Variants in FANCB observed in about 807,000 individuals in gnomAD.
The protein encoded by FANCB is FA complementation group B.
Under a neutral mutation model 38.9 loss-of-function variants are expected in FANCB, and 5 were observed. That is an observed-to-expected ratio of 0.13 (90% CI 0.07 to 0.27). The LOEUF (loss-of-function observed/expected upper bound fraction) is 0.27, where lower values mean the gene tolerates loss of function less well. Ranked by LOEUF, FANCB falls within the 10% of genes least tolerant of loss-of-function variation. The probability of loss-of-function intolerance (pLI) is 1.00; values close to 1 mark genes in which losing one functional copy is unlikely to be tolerated. For synonymous variants in FANCB, 236 were observed against 215.4 expected (o/e 1.10, Z -0.84); for missense variants, 573 against 602.7 (o/e 0.95, Z 0.52).
the FANCB span, among the ~76,000 whole-genome samples, chrX:14,784,083 G>A: frequency 1.1e-4 from 12 of 112,003 alleles, no homozygotes; most frequent in African/African-American, 2.9e-4. Flanking sequence ...GGTGGTGGGC[G>A]CCTGTAGTCT....
the FANCB span, among the ~76,000 whole-genome samples, chrX:14,811,415 G>C: frequency 9.0e-6 from 1 of 111,100 alleles, no homozygotes; most frequent in Non-Finnish European, 1.9e-5. Context: ...CTGTATTCAG[G>C]AAACCCATCT....
chrX:14,848,297 T>C (rs1330708706), intron 7 of FANCB, among the ~76,000 whole-genome samples: 2 of 112,195 alleles, frequency 1.8e-5, no homozygotes, highest in Non-Finnish European at 3.8e-5. Flanking sequence ...AGCCTATGAA[T>C]GGACGTGCAG....
chrX:14,843,082 CA>C (rs1466087555), downstream of FANCB, among the ~76,000 whole-genome samples: 2 of 111,621 alleles, frequency 1.8e-5, no homozygotes, highest in Non-Finnish European at 3.8e-5. Context: ...AAGCAGAAAG[CA>C]AGAAAAAAAT....
At chrX:14,729,351 C>G in the FANCB span, among the ~76,000 whole-genome samples, 1 of 110,893 alleles carries the variant, frequency 9.0e-6, no homozygotes, top group Admixed American at 9.6e-5. Flanking sequence ...CTTTTCAACC[C>G]CACCTTTTCA....
the FANCB span, chrX:14,690,624 A>C: frequency 1.5e-6 from 1 of 652,786 alleles, no homozygotes; most frequent in Non-Finnish European, 2.5e-6. Flanking sequence ...CACCATTAAG[A>C]ATCTGGTTTC....
chrX:14,742,708 G>T, the FANCB span, among the ~76,000 whole-genome samples: 30 of 111,913 alleles, frequency 2.7e-4, no homozygotes, highest in African/African-American at 8.8e-4. Context: ...TTAAATCATT[G>T]CCTAAACATC....
intron 5 of FANCB, among the ~76,000 whole-genome samples, chrX:14,856,823 A>C (rs2092425004): frequency 8.9e-6 from 1 of 111,969 alleles, no homozygotes; most frequent in African/African-American, 3.2e-5. Flanking sequence ...AAGACCAATA[A>C]GAGATATAAT....
chrX:14,845,526 A>C (rs1007901462), intron 7 of FANCB, among the ~76,000 whole-genome samples: 2 of 112,029 alleles, frequency 1.8e-5, no homozygotes, highest in Non-Finnish European at 3.8e-5. Flanking sequence ...AGGTTTTAGG[A>C]AAGTAAAATT....
chrX:14,865,583 A>G lies in FANCB; in HGVS notation c.-70-3T>C. On this transcript the variant is annotated splice_polypyrimidine_tract_variant and splice_region_variant and intron_variant, in intron 2 of 9. Coordinates refer to ENST00000650831, the MANE Select transcript of FANCB (RefSeq NM_001018113.3). ...GATTCCAGTTGATGTTTCTAAACCTAAAAAAGAAATGAGGAAAAACTGCCA... is the reference window on the plus strand; with the variant it reads ...GATTCCAGTTGATGTTTCTAAACCTGAAAAAGAAATGAGGAAAAACTGCCA... 1 of 863,211 alleles carries G rather than the reference A, an allele frequency of 1.2e-6. No homozygotes were observed. The highest frequency in any genetic ancestry group is 1.7e-6 in the Non-Finnish European group (1 of 597,137). The allele number at this position is 863,211 out of a possible 1,213,427, so 71.1% of individuals were successfully genotyped here.
At chrX:14,704,925 AAG>A in the FANCB span, among the ~76,000 whole-genome samples, 1 of 112,223 alleles carries the variant, frequency 8.9e-6, no homozygotes, top group East Asian at 2.8e-4. Context: ...TAAGAACCAT[AAG>A]AGAGTTATAG....
At chrX:14,794,112 C>T in the FANCB span, among the ~76,000 whole-genome samples, 1 of 111,577 alleles carries the variant, frequency 9.0e-6, no homozygotes. Context: ...TACTTACATA[C>T]TTTTACATAC....
At chrX:14,833,857 G>A (rs755091079), downstream of FANCB, among the ~76,000 whole-genome samples, 3 of 111,841 alleles carry the variant, frequency 2.7e-5, no homozygotes, top group South Asian at 1.1e-3. Flanking sequence ...AGCTGGGTGT[G>A]GTGGTGGGCA....
At chrX:14,739,605 A>G in the FANCB span, among the ~76,000 whole-genome samples, 1 of 112,125 alleles carries the variant, frequency 8.9e-6, no homozygotes, top group East Asian at 2.8e-4. Flanking sequence ...ATACCGCATT[A>G]ATAACATCTT....
At chrX:14,851,307 C>A (rs2092400607) in intron 6 of FANCB, among the ~76,000 whole-genome samples, 1 of 111,703 alleles carries the variant, frequency 9.0e-6, no homozygotes, top group African/African-American at 3.3e-5. Context: ...AACCCTAGTG[C>A]CCTAGGTCTG....
At chrX:14,784,368 T>C in the FANCB span, among the ~76,000 whole-genome samples, 1 of 111,566 alleles carries the variant, frequency 9.0e-6, no homozygotes, top group African/African-American at 3.3e-5. Context: ...CCCTTGCCTT[T>C]TCCAGCTTCC....
intron 1 of FANCB, among the ~76,000 whole-genome samples, chrX:14,872,551 A>C (rs1167640428): frequency 9.2e-6 from 1 of 108,942 alleles, no homozygotes; most frequent in African/African-American, 3.3e-5. Flanking sequence ...GTAGCCAGTG[A>C]GCATCTCTTT....
At chrX:14,783,675 A>G in the FANCB span, among the ~76,000 whole-genome samples, 8 of 112,040 alleles carry the variant, frequency 7.1e-5, no homozygotes, top group African/African-American at 2.3e-4. Context: ...TTGAACCCAA[A>G]AGGTAAGAAT....
chrX:14,871,025 A>G (rs920561455), intron 1 of FANCB, among the ~76,000 whole-genome samples: 1 of 111,506 alleles, frequency 9.0e-6, no homozygotes, highest in East Asian at 2.8e-4. Flanking sequence ...GCCACTGTTA[A>G]AAGTTTTTTT....
intron 2 of FANCB, among the ~76,000 whole-genome samples, 167 bp from the exon 3 acceptor site, chrX:14,865,747 A>AATAT: frequency 8.9e-6 from 1 of 112,363 alleles, no homozygotes; most frequent in Admixed American, 9.4e-5. Flanking sequence ...AATTCTAAAT[A>AATAT]TTATTTCTGT....
Sources: allele counts gnomAD v4.1 joint callset (sites outside exome capture counted in the v4.1 genomes callset), GRCh38; gene constraint gnomAD v4.1.1; transcripts MANE v1.5; gene names NCBI Gene and HGNC (gene_info 2026-07-23, HGNC 2026-07-21).